Variants in LRRN4 observed in about 807,000 individuals in gnomAD.
The protein encoded by LRRN4 is leucine rich repeat neuronal 4, also known as leucine-rich repeat neuronal protein 4.
Under a neutral mutation model 22.3 loss-of-function variants are expected in LRRN4, and 26 were observed. The observed-to-expected ratio is 1.16, with a 90% confidence interval of 0.85 to 1.62. LRRN4 has a LOEUF of 1.62. Ranked by LOEUF, LRRN4 falls within the 40% of genes most tolerant of loss-of-function variation. The probability of loss-of-function intolerance (pLI) is 0.00; values close to 1 mark genes in which losing one functional copy is unlikely to be tolerated. For missense variants in LRRN4, 1,070 were observed against 1,008.5 expected (o/e 1.06, Z -0.83); for synonymous variants, 496 against 486.2 (o/e 1.02, Z -0.26).
In LRRN4 at chr20:6,041,188, C is replaced by A. The variant is rs1980922958; in HGVS notation, c.2057G>T (p.Gly686Val). The change falls in exon 5 of 5, where the codon GGG (glycine) becomes GTG (valine). Residue 686 changes from glycine (G) to valine (V), a missense_variant. Transcript: ENST00000378858. This position sits in a 1 kb window ranked among gnomAD's most constrained non-coding sequence, Gnocchi z 9.4. Reference protein sequence around the residue: ...TKPSFALLLSGLCAASGLLLA... With the variant: ...TKPSFALLLSVLCAASGLLLA... Reference sequence around the variant, plus strand: ...CAACAGGCCGCTGGCGGCGCACAGCCCAGAGAGCAGGAGCGCGAAGCTGGG... The same window carrying A: ...CAACAGGCCGCTGGCGGCGCACAGCACAGAGAGCAGGAGCGCGAAGCTGGG... 1 of 1,596,076 alleles carries A rather than the reference C, an allele frequency of 6.3e-7. No homozygotes were observed.
chr20:6,050,273 T>C (rs1281611757), intron 3 of LRRN4, among the ~76,000 whole-genome samples: 2 of 152,256 alleles, frequency 1.3e-5, no homozygotes, highest in Non-Finnish European at 2.9e-5. Context: ...CTTTGAAAAG[T>C]TGTTCATCCT....
Position 6,052,313 on chromosome 20 carries a change from G to C in LRRN4, c.487C>G (p.Pro163Ala). Reference protein sequence around the residue: ...LAGNPLRALQPRAFACFPALQ... With the variant: ...LAGNPLRALQARAFACFPALQ... Reference sequence around the variant, plus strand: ...GCGGGGAAGCAGGCGAAGGCCCGGGGCTGCAGCGCCCGCAGCGGATTCCCG... The same window carrying C: ...GCGGGGAAGCAGGCGAAGGCCCGGGCCTGCAGCGCCCGCAGCGGATTCCCG... The change falls in exon 2 of 5, where the codon CCC becomes GCC. Residue 163 changes from proline to alanine, a missense_variant. By Grantham distance (27) the Pro-to-Ala change is conservative. Transcript: ENST00000378858. The C allele has an allele frequency of 1.3e-6, 2 of 1,521,338 alleles. No homozygotes were observed. The highest frequency in any genetic ancestry group is 1.8e-6 in the Non-Finnish European group (2 of 1,139,964). 94.2% of individuals were successfully genotyped at this position (1,521,338 alleles called of 1,614,324 possible). A position where few individuals can be genotyped will look rare whatever the true frequency, so the allele number is the denominator to read the frequency against.
intron 3 of LRRN4, among the ~76,000 whole-genome samples, chr20:6,047,063 G>A (rs561556535): frequency 9.2e-5 from 14 of 152,130 alleles, no homozygotes; most frequent in Admixed American, 6.5e-4. Flanking sequence ...CATGTTACAT[G>A]TTCTACATGT....
At chr20:6,046,005 G>A (rs75258688) in intron 3 of LRRN4, among the ~76,000 whole-genome samples, 6,100 of 149,214 alleles carry the variant, frequency 0.041, 610 homozygotes, top group African/African-American at 0.14. Context: ...AAGAGGTAGA[G>A]CAATAGACTC....
In LRRN4 at chr20:6,052,314, C is replaced by A; in HGVS notation, c.486G>T (p.Gln162His). Residue 162 changes from glutamine to histidine, a missense_variant, in exon 2 of 5, where the codon CAG becomes CAT. Physicochemically the swap from Gln to His is conservative, Grantham distance 24. Coordinates refer to ENST00000378858, the MANE Select transcript of LRRN4 (RefSeq NM_152611.5). ...CGGGGAAGCAGGCGAAGGCCCGGGGCTGCAGCGCCCGCAGCGGATTCCCGG... is the reference window on the plus strand; with the variant it reads ...CGGGGAAGCAGGCGAAGGCCCGGGGATGCAGCGCCCGCAGCGGATTCCCGG... ...ALAGNPLRAL[Q>H]PRAFACFPAL... 6.6e-7 allele frequency: 1 copy of A among 1,520,118 alleles called. No homozygotes were observed. Among genetic ancestry groups the A allele is most frequent in the Admixed American group, 2.1e-5 (1 of 48,250 alleles). The allele number at this position is 1,520,118 out of a possible 1,614,324, so 94.2% of individuals were successfully genotyped here.
rs6053844 is a variant in LRRN4, at chr20:6,046,911, T to C, written c.861-2231A>G. Among the ~76,000 whole-genome samples the C allele has an allele frequency of 4.4e-3, 664 of 151,720 alleles. 7 individuals are homozygous for C. Among genetic ancestry groups the C allele is most frequent in the African/African-American group, 0.014 (598 of 41,444 alleles). The stretch of plus-strand genomic sequence containing the variant: ...AGAGTTCAATCAGTATTTTTGTGTG[T>C]GTGTGGAAAGGAAATGCTTTTCTTT... On this transcript the variant is annotated intron_variant, in intron 3 of 4. Transcript: ENST00000378858.
Position 6,041,281 on chromosome 20 carries a change from T to C in LRRN4, c.1964A>G (p.Asn655Ser), listed in dbSNP as rs1364477392. Residue 655 changes from asparagine to serine, a missense_variant, in exon 5 of 5, where the codon AAC (asparagine) becomes AGC (serine). Physicochemically the swap from Asn to Ser is conservative, Grantham distance 46. Transcript: ENST00000378858. This position sits in a 1 kb window ranked among gnomAD's most constrained non-coding sequence, Gnocchi z 9.4. Reference sequence around the variant, plus strand: ...CCGTGGCTGGCTCAAGCCCGCCCTGTTGGCCGCCAGCACGCACACGCGGTA... The same window carrying C: ...CCGTGGCTGGCTCAAGCCCGCCCTGCTGGCCGCCAGCACGCACACGCGGTA... ...TTYRVCVLAA[N>S]RAGLSQPRSS... The C allele has an allele frequency of 3.1e-6, 5 of 1,592,230 alleles. No homozygotes were observed. Among genetic ancestry groups the C allele is most frequent in the Non-Finnish European group, 4.3e-6 (5 of 1,172,212 alleles).
At position 6,041,177 on chromosome 20, in the gene LRRN4, C is replaced by A; in HGVS notation, c.2068G>T (p.Ala690Ser). The change falls in exon 5 of 5, where the codon GCC (alanine) becomes TCC (serine). Residue 690 changes from alanine (A) to serine (S), a missense_variant. By Grantham distance (99) the Ala-to-Ser change is moderately conservative. Coordinates refer to ENST00000378858, the MANE Select transcript of LRRN4 (RefSeq NM_152611.5). This position sits in a 1 kb window ranked among gnomAD's most constrained non-coding sequence, Gnocchi z 9.4. Reference protein sequence around the residue: ...FALLLSGLCAASGLLLASTVV... With the variant: ...FALLLSGLCASSGLLLASTVV... The stretch of plus-strand genomic sequence containing the variant: ...GTGCTGGCGAGCAACAGGCCGCTGG[C>A]GGCGCACAGCCCAGAGAGCAGGAGC... The A allele has an allele frequency of 6.3e-7, 1 of 1,597,768 alleles. No homozygotes were observed. Among genetic ancestry groups the A allele is most frequent in the Non-Finnish European group, 8.5e-7 (1 of 1,171,690 alleles).
At position 6,040,810 on chromosome 20, in the gene LRRN4, G is replaced by C. The variant is rs1382712666; in HGVS notation, c.*212C>G. 1.5e-6 allele frequency: 1 copy of C among 653,190 alleles called. No homozygotes were observed. The highest frequency in any genetic ancestry group is 2.6e-6 in the Non-Finnish European group (1 of 391,428). The allele number at this position is 653,190 out of a possible 1,614,324, so 40.5% of individuals were successfully genotyped here. On this transcript the variant is annotated 3_prime_UTR_variant, in exon 5 of 5. Coordinates refer to ENST00000378858, the MANE Select transcript of LRRN4 (RefSeq NM_152611.5). The stretch of plus-strand genomic sequence containing the variant: ...GGGAGCGATCTGGCATTGACCATCA[G>C]GTTTCTGGGAACAGAGTTAAGTAGA...
Position 6,041,852 on chromosome 20 carries a change from G to T in LRRN4, c.1393C>A (p.Leu465Ile). 6.2e-7 allele frequency: 1 copy of T among 1,614,208 alleles called. No homozygotes were observed. Among genetic ancestry groups the T allele is most frequent in the Non-Finnish European group, 8.5e-7 (1 of 1,180,036 alleles). Residue 465 changes from leucine to isoleucine, a missense_variant, in exon 5 of 5, where the codon CTT (leucine) becomes ATT (isoleucine). Transcript: ENST00000378858. This position sits in a 1 kb window ranked among gnomAD's most constrained non-coding sequence, Gnocchi z 9.4. ...GCTGAGATATCAGGCTCAAGGACAA[G>T]CTCGGGGGCATGTTCTCCTCGGTGC... The part of the protein sequence containing the change: ...TQHRGEHAPE[L>I]VLEPDISAAS...
rs745636377 is a variant in LRRN4, at chr20:6,050,921, G to A, written c.718C>T (p.Arg240Trp). Residue 240 changes from arginine (R) to tryptophan (W), a missense_variant, in exon 3 of 5, where the codon CGG (arginine) becomes TGG (tryptophan). By Grantham distance (101) the Arg-to-Trp change is moderately radical. Transcript: ENST00000378858. ...LTSLYLRKMP[R>W]LTTLEGDIFK... ...ATGTCCCCCTCCAGGGTCGTCAGCC[G>A]AGGCATCTTCCTCAGGTAGAGGGAT... 1.1e-5 allele frequency: 18 copies of A among 1,614,168 alleles called. 2 individuals are homozygous for A. The highest frequency in any genetic ancestry group is 9.9e-5 in the South Asian group (9 of 91,074).
rs1272476129 is a variant in LRRN4, at chr20:6,050,979, C to T, written c.660G>A (p.Glu220=). Residue 220 remains glutamate (E), a synonymous_variant, in exon 3 of 5, where the codon GAG becomes GAA. Coordinates refer to ENST00000378858, the MANE Select transcript of LRRN4 (RefSeq NM_152611.5). ...TCGGCAGGTCTCTGATCCACCCTGACTCAACTGAAACACAGAAGGGAAACT... is the reference window on the plus strand; with the variant it reads ...TCGGCAGGTCTCTGATCCACCCTGATTCAACTGAAACACAGAAGGGAAACT... ...DLSGTFLERV[E]SGWIRDLPKL... is the part of the protein sequence containing the mutation. 6.2e-7 allele frequency: 1 copy of T among 1,613,738 alleles called. No homozygotes were observed. Among genetic ancestry groups the T allele is most frequent in the South Asian group, 1.1e-5 (1 of 91,048 alleles).
chr20:6,042,377 A>G, intron 4 of LRRN4, 131 bp from the exon 5 acceptor site: 1 of 1,006,756 alleles, frequency 9.9e-7, no homozygotes, highest in Non-Finnish European at 1.4e-6. Context: ...ACCCCAGGGC[A>G]CACACGCCGC....
chr20:6,044,987 T>G (rs542399778), intron 3 of LRRN4, among the ~76,000 whole-genome samples: 30 of 152,162 alleles, frequency 2.0e-4, no homozygotes, highest in South Asian at 4.2e-4. Flanking sequence ...ATCAGTATTT[T>G]TGTGTGTGTG....
rs1330579916 is a variant in LRRN4 at position 6,041,586 on chromosome 20, C to T, written c.1659G>A (p.Lys553=). ...GCTCCGCGCACGGGGTCTGCAGGTG[C>T]TTGCAGGGATGGTAATCACAGGGGA... is the stretch of plus-strand genomic sequence containing the variant. ...QDVPCDYHPC[K]HLQTPCAELQ... is the part of the protein sequence containing the mutation. Residue 553 remains lysine, a synonymous_variant, in exon 5 of 5, where the codon AAG becomes AAA. Transcript: ENST00000378858. The surrounding 1 kb of genome is among the most constrained non-coding windows in gnomAD (Gnocchi z 9.4). 4 of 1,565,582 alleles carry T rather than the reference C, an allele frequency of 2.6e-6. No homozygotes were observed. The highest frequency in any genetic ancestry group is 2.4e-5 in the South Asian group (2 of 82,616).
rs1407525692 is a variant in LRRN4, at chr20:6,041,339, G to A, written c.1906C>T (p.His636Tyr). ...VGVIYATARQ[H>Y]PLYGLSPGTT... is the part of the protein sequence containing the mutation. ...CCCGGCGACAGCCCGTACAGAGGGT[G>A]CTGCCGGGCCGTGGCGTAGATGACC... Residue 636 changes from histidine to tyrosine, a missense_variant, in exon 5 of 5, where the codon CAC (histidine) becomes TAC (tyrosine). Physicochemically the swap from His to Tyr is moderately conservative, Grantham distance 83 (BLOSUM62 2). Coordinates refer to ENST00000378858, the MANE Select transcript of LRRN4 (RefSeq NM_152611.5). The surrounding 1 kb of genome is among the most constrained non-coding windows in gnomAD (Gnocchi z 9.4). 9.4e-6 allele frequency: 15 copies of A among 1,597,788 alleles called. No homozygotes were observed. In the South Asian group the frequency reaches 1.7e-4, roughly 18 times the overall value.
intron 4 of LRRN4, among the ~76,000 whole-genome samples, chr20:6,042,944 T>A (rs1042284072): frequency 2.0e-5 from 3 of 149,466 alleles, no homozygotes; most frequent in African/African-American, 7.4e-5. Context: ...AAAATACTCA[T>A]ACTAGCTACC....
At position 6,046,648 on chromosome 20, in the gene LRRN4, C is replaced by T. The variant is rs548038110; in HGVS notation, c.861-1968G>A. ...TCCTCAGTCTGCCTGGGAACCTGCC[C>T]TTTACTACTCTGGAGAAGATGCTGT... On this transcript the variant is annotated intron_variant, in intron 3 of 4. Coordinates refer to ENST00000378858, the MANE Select transcript of LRRN4 (RefSeq NM_152611.5). Among the ~76,000 whole-genome samples, 3 of 148,924 alleles carry T rather than the reference C, an allele frequency of 2.0e-5. No homozygotes were observed. The South Asian group carries it at 6.4e-4, about 32-fold the overall frequency.
In LRRN4 at chr20:6,042,409, T is replaced by C. The variant is rs180918925; in HGVS notation, c.999-163A>G. 5.5e-3 allele frequency among the ~76,000 whole-genome samples: 834 copies of C among 152,266 alleles called. 10 individuals carry two copies. Among genetic ancestry groups the C allele is most frequent in the Non-Finnish European group, 6.1e-3 (418 of 68,020 alleles). On this transcript the variant is annotated intron_variant, in intron 4 of 4. Transcript: ENST00000378858. The stretch of plus-strand genomic sequence containing the variant: ...CCGCACACACACATCACCTCATTGA[T>C]TCTGGGGAAACCTTTGGAGGAAGCT...
Sources: allele counts gnomAD v4.1 joint callset (sites outside exome capture counted in the v4.1 genomes callset), GRCh38; gene constraint gnomAD v4.1.1; non-coding constraint Gnocchi (gnomAD v3.1); transcripts MANE v1.5; gene names NCBI Gene and HGNC (gene_info 2026-07-23, HGNC 2026-07-21).